The following ATP2C2 variants were observed in gnomAD, a reference collection of about 807,000 sequenced individuals.
ATP2C2 encodes the protein calcium-transporting ATPase type 2C member 2.
A neutral mutation model predicts 110.8 loss-of-function variants in ATP2C2; 171 were observed. The ratio of observed to expected loss-of-function variants is 1.54; its 90% CI spans 1.36 to 1.75. The LOEUF is 1.75. Ranked by LOEUF, ATP2C2 falls within the 40% of genes most tolerant of loss-of-function variation. The pLI is 0.00. For synonymous variants in ATP2C2, 804 were observed against 508.4 expected, an observed-to-expected ratio of 1.58 and a Z score of -7.82; for missense variants, 1,963 against 1,235.0, an observed-to-expected ratio of 1.59 and a Z score of -8.84.
chr16:84,415,224 T>A (rs1260702346), intron 6 of ATP2C2, among the ~76,000 whole-genome samples: 1 of 152,134 alleles, frequency 6.6e-6, no homozygotes, highest in Non-Finnish European at 1.5e-5. Flanking sequence ...CTGGGGCATG[T>A]GGCCCACGTG....
intron 11 of ATP2C2, among the ~76,000 whole-genome samples, chr16:84,429,255 A>T (rs1417516349): frequency 6.6e-6 from 1 of 152,058 alleles, no homozygotes; most frequent in Non-Finnish European, 1.5e-5. Context: ...AGGTTCATGC[A>T]ATTCTCCTGC....
rs759559203 is a variant in ATP2C2 at position 84,460,640 on chromosome 16, C to G, written c.2334-14C>G. 2.4e-5 allele frequency: 38 copies of G among 1,614,054 alleles called. 1 individual carries two copies. Among genetic ancestry groups the G allele is most frequent in the Middle Eastern group, 1.6e-4 (1 of 6,082 alleles). ...CTGGTTCATTTCAAAGTGTCTGTGT[C>G]TTGTTCGGAGCAGCTTGGGGGTAGA... On this transcript the variant is annotated splice_polypyrimidine_tract_variant and intron_variant, in intron 23 of 26. Coordinates refer to ENST00000262429, the MANE Select transcript of ATP2C2 (RefSeq NM_014861.4).
chr16:84,461,082 G>A (rs1410530633), intron 24 of ATP2C2: 5 of 399,558 alleles, frequency 1.3e-5, no homozygotes, highest in Non-Finnish European at 2.2e-5. Flanking sequence ...ATGAGGACAG[G>A]CTGCCCCCTG....
chr16:84,455,485 T>C (rs538986000), intron 21 of ATP2C2, among the ~76,000 whole-genome samples: 2 of 152,156 alleles, frequency 1.3e-5, no homozygotes, highest in Non-Finnish European at 2.9e-5. Flanking sequence ...ACCACGGAGG[T>C]GCTCTCTAGG....
At chr16:84,431,738 C>G (rs1302809655) in intron 11 of ATP2C2, among the ~76,000 whole-genome samples, 2 of 152,172 alleles carry the variant, frequency 1.3e-5, no homozygotes, top group African/African-American at 2.4e-5. Flanking sequence ...ATGGCCCCTT[C>G]TCCTATTCCT....
At chr16:84,461,331 G>A (rs530287551) in intron 24 of ATP2C2, 5 of 322,016 alleles carry the variant, frequency 1.6e-5, no homozygotes, top group Non-Finnish European at 2.3e-5. Context: ...CGGGTACCCT[G>A]CCTCCATTTT....
chr16:84,396,902 G>A lies in ATP2C2; in HGVS notation c.100-1597G>A, dbSNP rs1283699557. Reference sequence around the variant, plus strand: ...TGAGAAGCAGCCGCATGAAACCGAGGTGGGTAGCACAGCTTTTCTAAGCAA... The same window carrying A: ...TGAGAAGCAGCCGCATGAAACCGAGATGGGTAGCACAGCTTTTCTAAGCAA... On this transcript the variant is annotated intron_variant, in intron 1 of 26. Transcript: ENST00000262429. Among the ~76,000 whole-genome samples the A allele has an allele frequency of 2.6e-5, 4 of 152,060 alleles. No individual in the cohort carries two copies. The South Asian group carries it at 6.2e-4, about 24-fold the overall frequency.
intron 11 of ATP2C2, chr16:84,438,952 C>G: frequency 1.8e-6 from 1 of 552,374 alleles, no homozygotes; most frequent in Non-Finnish European, 3.1e-6. Context: ...CAGGAGAGGT[C>G]CCTTCCCAAG....
chr16:84,393,347 G>A (rs1462562053), intron 1 of ATP2C2, among the ~76,000 whole-genome samples: 3 of 152,114 alleles, frequency 2.0e-5, no homozygotes, highest in Admixed American at 6.6e-5. Flanking sequence ...AATGCAGGGC[G>A]AGGAGTGGCA....
At chr16:84,414,964 G>A (rs897672338) in intron 6 of ATP2C2, among the ~76,000 whole-genome samples, 5 of 152,110 alleles carry the variant, frequency 3.3e-5, no homozygotes, top group South Asian at 2.1e-4. Context: ...CAGCTGGGAC[G>A]GGCAAGCGGC....
intron 15 of ATP2C2, among the ~76,000 whole-genome samples, chr16:84,442,976 C>T (rs937456680): frequency 6.6e-5 from 10 of 152,080 alleles, no homozygotes; most frequent in African/African-American, 1.7e-4. Flanking sequence ...GGAATGTATT[C>T]GATTGACTCC....
chr16:84,412,492 A>C (rs1388645303), intron 6 of ATP2C2, among the ~76,000 whole-genome samples: 2 of 116,182 alleles, frequency 1.7e-5, no homozygotes, highest in Non-Finnish European at 3.5e-5. Flanking sequence ...GTATGTGTGC[A>C]TGTGTGTATA....
rs1233166470 is a variant in ATP2C2, at chr16:84,443,619, C to T, written c.1401+1020C>T. Reference sequence around the variant, plus strand: ...TTTCTCTTCAAGTTCACTCCAGTTTCCACCCCAGCAGACACCTCTCCTCAT... The same window carrying T: ...TTTCTCTTCAAGTTCACTCCAGTTTTCACCCCAGCAGACACCTCTCCTCAT... On this transcript the variant is annotated intron_variant, in intron 15 of 26. Coordinates refer to ENST00000262429, the MANE Select transcript of ATP2C2 (RefSeq NM_014861.4). 2.0e-5 allele frequency among the ~76,000 whole-genome samples: 3 copies of T among 152,196 alleles called. 1 individual carries two copies. Among genetic ancestry groups the T allele is most frequent in the South Asian group, 4.1e-4 (2 of 4,832 alleles).
intron 7 of ATP2C2, 111 bp downstream of exon 7, chr16:84,415,702 C>T (rs1906776005): frequency 2.5e-6 from 2 of 786,774 alleles, no homozygotes; most frequent in African/African-American, 1.7e-5. Context: ...CATGCTCAAA[C>T]ATACATGCAC....
rs761364899 is a variant in ATP2C2 at position 84,459,537 on chromosome 16, GCA to G, written c.2333+152_2333+153del. 86 of 1,546,300 alleles carry G rather than the reference GCA, an allele frequency of 5.6e-5. No individual in the cohort carries two copies. The East Asian group carries it at 2.1e-3, about 37-fold the overall frequency. ...CCAGAAAACTGAAGTGTGTTGCACT[GCA>G]GTGAGACTGGGAGTAGAAGGCAGAG... On this transcript the variant is annotated intron_variant, in intron 23 of 26. Transcript: ENST00000262429.
At chr16:84,394,634 C>T (rs1212566663) in intron 1 of ATP2C2, among the ~76,000 whole-genome samples, 2 of 152,108 alleles carry the variant, frequency 1.3e-5, no homozygotes, top group African/African-American at 4.8e-5. Context: ...GGGCTGTGCT[C>T]TCTCTGGAGG....
At chr16:84,458,515 TAAA>T (rs11404721) in intron 21 of ATP2C2, among the ~76,000 whole-genome samples, 34 of 149,534 alleles carry the variant, frequency 2.3e-4, no homozygotes, top group South Asian at 1.9e-3. Context: ...AAAATTTAAA[TAAA>T]AAAAAAGTCA....
intron 11 of ATP2C2, among the ~76,000 whole-genome samples, chr16:84,434,188 C>CGCGT (rs1908537714): frequency 6.6e-6 from 1 of 151,950 alleles, no homozygotes; most frequent in Non-Finnish European, 1.5e-5. Flanking sequence ...GAGGCCGAGG[C>CGCGT]GCGTGGATCA....
intron 2 of ATP2C2, among the ~76,000 whole-genome samples, chr16:84,399,866 T>G (rs1905214191): frequency 6.6e-6 from 1 of 152,198 alleles, no homozygotes; most frequent in African/African-American, 2.4e-5. Context: ...TTATTTATTC[T>G]TTCTGACTAT....
Sources: allele counts gnomAD v4.1 joint callset (sites outside exome capture counted in the v4.1 genomes callset), GRCh38; gene constraint gnomAD v4.1.1; transcripts MANE v1.5; gene names NCBI Gene and HGNC (gene_info 2026-07-23, HGNC 2026-07-21).